The following DIPK2B variants were observed in gnomAD, a reference collection of about 807,000 sequenced individuals.
The protein encoded by DIPK2B is UPF0672 protein CXorf36.
A neutral mutation model predicts 22.2 loss-of-function variants in DIPK2B; 15 were observed. The ratio of observed to expected loss-of-function variants is 0.68; its 90% CI spans 0.45 to 1.04. DIPK2B has a LOEUF of 1.04. Ranked by LOEUF, DIPK2B falls within the 50% of genes least tolerant of loss-of-function variation. DIPK2B has a pLI of 0.00. For synonymous variants in DIPK2B, 163 were observed against 153.2 expected (o/e 1.06, Z -0.47); for missense variants, 345 against 348.3 (o/e 0.99, Z 0.08).
chrX:45,175,556 AT>A (rs1411016484), intron 2 of DIPK2B, among the ~76,000 whole-genome samples: 3 of 105,712 alleles, frequency 2.8e-5, no homozygotes, highest in Non-Finnish European at 5.8e-5. Flanking sequence ...TTTCCCACCT[AT>A]TTTTTGTGTT....
intron 2 of DIPK2B, among the ~76,000 whole-genome samples, chrX:45,179,025 A>G (rs919542899): frequency 1.8e-5 from 2 of 111,502 alleles, no homozygotes; most frequent in African/African-American, 6.5e-5. Flanking sequence ...TCCATTCTCA[A>G]CAGAATTAAG....
At chrX:45,185,778 G>C (rs1472052493) in intron 2 of DIPK2B, among the ~76,000 whole-genome samples, 1 of 106,721 alleles carries the variant, frequency 9.4e-6, no homozygotes, top group East Asian at 3.0e-4. Context: ...TCAGCCTCCC[G>C]AGTAGCTGAG....
intron 2 of DIPK2B, among the ~76,000 whole-genome samples, chrX:45,175,400 T>G (rs1483570163): frequency 9.1e-6 from 1 of 110,393 alleles, no homozygotes; most frequent in Non-Finnish European, 1.9e-5. Context: ...GATATAATAT[T>G]AAGCCATAGA....
rs2046947507 is a variant in DIPK2B, at chrX:45,149,041, G to T, written c.*2611C>A. On this transcript the variant is annotated 3_prime_UTR_variant, in exon 5 of 5. Transcript: ENST00000398000. ...TGGTCTGGAGGAGAGAAGGGGGCAA[G>T]TGCTTACCTTGAACCCGTGCAGGTG... The T allele has an allele frequency of 8.9e-6, 1 of 112,150 alleles. No individual in the cohort carries two copies. Among genetic ancestry groups the T allele is most frequent in the Non-Finnish European group, 1.9e-5 (1 of 53,277 alleles). 9.2% of individuals were successfully genotyped at this position (112,150 alleles called of 1,213,427 possible).
At chrX:45,174,966 G>A (rs1033117979) in intron 2 of DIPK2B, among the ~76,000 whole-genome samples, 2 of 111,707 alleles carry the variant, frequency 1.8e-5, no homozygotes, top group Non-Finnish European at 3.8e-5. Context: ...ACAAAGCATA[G>A]TATTTAAGGG....
At chrX:45,152,748 T>A (rs1188258376) in intron 4 of DIPK2B, among the ~76,000 whole-genome samples, 1 of 110,681 alleles carries the variant, frequency 9.0e-6, no homozygotes, top group Non-Finnish European at 1.9e-5. Flanking sequence ...CTGGCCAACA[T>A]GGCGAAACCC....
chrX:45,173,126 T>G (rs1359441792), intron 2 of DIPK2B, among the ~76,000 whole-genome samples: 1 of 111,972 alleles, frequency 8.9e-6, no homozygotes, highest in Non-Finnish European at 1.9e-5. Context: ...TTTATAGGGT[T>G]TTGACTTTAT....
chrX:45,162,413 G>T (rs989850784), intron 2 of DIPK2B: 2 of 752,744 alleles, frequency 2.7e-6, no homozygotes, highest in African/African-American at 4.6e-5. Flanking sequence ...GCAGGAACAG[G>T]CTTAAGAGAC....
At chrX:45,197,204 T>C (rs74989762) in intron 1 of DIPK2B, among the ~76,000 whole-genome samples, 1 of 109,812 alleles carries the variant, frequency 9.1e-6, no homozygotes, top group Non-Finnish European at 1.9e-5. Context: ...TTTTTTTTTT[T>C]GAGAGAGAGT....
At position 45,200,805 on chromosome X, in the gene DIPK2B, C is replaced by T; in HGVS notation, c.22G>A (p.Glu8Lys). Residue 8 changes from glutamate (E) to lysine (K), a missense_variant, in exon 1 of 5, where the codon GAG (glutamate) becomes AAG (lysine). Physicochemically the swap from Glu to Lys is moderately conservative, Grantham distance 56. Transcript: ENST00000398000. MEPQLGP[E>K]AAALRPGWLA... ...CAGCCAGGGCGGAGGGCGGCAGCCT[C>T]AGGCCCCAGCTGGGGCTCCATCTTG... is the stretch of plus-strand genomic sequence containing the variant. 1 of 1,191,792 alleles carries T rather than the reference C, an allele frequency of 8.4e-7. No homozygotes were observed. The highest frequency in any genetic ancestry group is 1.1e-6 in the Non-Finnish European group (1 of 884,976).
intron 2 of DIPK2B, among the ~76,000 whole-genome samples, chrX:45,177,458 G>A (rs758313656): frequency 2.7e-5 from 3 of 109,130 alleles, no homozygotes; most frequent in Non-Finnish European, 5.7e-5. Flanking sequence ...TAGTTCCCAC[G>A]AGAGCTGGTT....
rs759238073 is a variant in DIPK2B, at chrX:45,151,832, G to C, written c.1122C>G (p.Phe374Leu). 8.3e-7 allele frequency: 1 copy of C among 1,211,687 alleles called. No individual in the cohort carries two copies. The highest frequency in any genetic ancestry group is 1.8e-5 in the South Asian group (1 of 56,977). Residue 374 changes from phenylalanine (F) to leucine (L), a missense_variant, in exon 5 of 5, where the codon TTC (phenylalanine) becomes TTG (leucine). Coordinates refer to ENST00000398000, the MANE Select transcript of DIPK2B (RefSeq NM_176819.4). ...CTATGTCGTCTTGCACTGGGGAGGG[G>C]AACCTCCCCTGGAGAAGTCGAGGCA... The part of the protein sequence containing the change: ...KLLPRLLQGR[F>L]PSPVQDDIDS...
intron 2 of DIPK2B, among the ~76,000 whole-genome samples, chrX:45,159,054 A>G (rs956333984): frequency 9.0e-6 from 1 of 110,777 alleles, no homozygotes; most frequent in African/African-American, 3.3e-5. Flanking sequence ...ATAGAAAATG[A>G]TTTGAGGCTA....
intron 4 of DIPK2B, among the ~76,000 whole-genome samples, chrX:45,153,462 G>A (rs2046971476): frequency 9.6e-6 from 1 of 104,098 alleles, no homozygotes; most frequent in African/African-American, 3.5e-5. Flanking sequence ...GTGGGAGATG[G>A]ACCCAAAAGT....
intron 2 of DIPK2B, among the ~76,000 whole-genome samples, chrX:45,161,909 C>T (rs1319681714): frequency 8.9e-6 from 1 of 111,923 alleles, no homozygotes; most frequent in Admixed American, 9.5e-5. Flanking sequence ...TCTCATTTCC[C>T]TCCTGTGGAA....
intron 2 of DIPK2B, among the ~76,000 whole-genome samples, chrX:45,188,742 A>G (rs2047196190): frequency 9.0e-6 from 1 of 110,924 alleles, no homozygotes. Context: ...GTCACTCCCA[A>G]TTCTCCCCTC....
chrX:45,164,977 T>TG (rs1303591700), intron 2 of DIPK2B, among the ~76,000 whole-genome samples: 1 of 110,914 alleles, frequency 9.0e-6, no homozygotes, highest in Admixed American at 9.6e-5. Flanking sequence ...AGGAGAAAGA[T>TG]GGGGGGACAA....
intron 2 of DIPK2B, chrX:45,183,145 A>C (rs1445177811): frequency 3.6e-5 from 4 of 112,551 alleles, no homozygotes; most frequent in Admixed American, 9.4e-5. Context: ...TATGTTACAA[A>C]GCACAGAGTA....
At position 45,157,479 on chromosome X, in the gene DIPK2B, G is replaced by A. The variant is rs758165337; in HGVS notation, c.672+236C>T. Reference sequence around the variant, plus strand: ...TCAGGGCCACTCAGGCAGTGAAGGTGGCTACTGTTCCCTCCTATCCCCATC... The same window carrying A: ...TCAGGGCCACTCAGGCAGTGAAGGTAGCTACTGTTCCCTCCTATCCCCATC... On this transcript the variant is annotated intron_variant, in intron 3 of 4. Coordinates refer to ENST00000398000, the MANE Select transcript of DIPK2B (RefSeq NM_176819.4). 5.4e-5 allele frequency among the ~76,000 whole-genome samples: 6 copies of A among 111,813 alleles called. No individual in the cohort carries two copies. In the South Asian group the frequency reaches 2.3e-3, roughly 42 times the overall value.
Sources: gnomAD v4.1 joint callset for allele counts (sites outside exome capture counted in the v4.1 genomes callset) on GRCh38, gnomAD v4.1.1 for gene constraint, MANE v1.5 for transcripts, NCBI Gene and HGNC (gene_info 2026-07-23, HGNC 2026-07-21) for gene names.